LHX8: variants seen among roughly 807,000 people sequenced by gnomAD.
LHX8 encodes LIM/homeobox protein Lhx8.
Under a neutral mutation model 40.3 loss-of-function variants are expected in LHX8, and 12 were observed. The ratio of observed to expected loss-of-function variants is 0.30; its 90% CI spans 0.19 to 0.48. The LOEUF (loss-of-function observed/expected upper bound fraction) is 0.48, where lower values mean the gene tolerates loss of function less well. Ranked by LOEUF, LHX8 falls within the 20% of genes least tolerant of loss-of-function variation. The pLI is 0.99. For synonymous variants in LHX8, 179 were observed against 162.0 expected, an observed-to-expected ratio of 1.10 and a Z score of -0.80; for missense variants, 344 against 433.7, an observed-to-expected ratio of 0.79 and a Z score of 1.84.
At chr1:75,151,208 T>C (rs1648600884) in intron 7 of LHX8, among the ~76,000 whole-genome samples, 1 of 152,234 alleles carries the variant, frequency 6.6e-6, no homozygotes, top group African/African-American at 2.4e-5. Flanking sequence ...AAAGACCTGA[T>C]GATACTGCAG....
rs777629713 is a variant in LHX8, at chr1:75,143,165, C to T, written c.407C>T (p.Thr136Ile). Reference protein sequence around the residue: ...CSRCGRHIHSTDWVRRAKGNV... With the variant: ...CSRCGRHIHSIDWVRRAKGNV... ...CGATGTGGGAGACACATCCATTCTACTGACTGGGTCCGGAGAGCCAAGGGG... is the reference window on the plus strand; with the variant it reads ...CGATGTGGGAGACACATCCATTCTATTGACTGGGTCCGGAGAGCCAAGGGG... Residue 136 changes from threonine to isoleucine, a missense_variant, in exon 5 of 9, where the codon ACT (threonine) becomes ATT (isoleucine). By Grantham distance (89) the Thr-to-Ile change is moderately conservative. Transcript: ENST00000356261. 5 of 1,613,806 alleles carry T rather than the reference C, an allele frequency of 3.1e-6. No individual in the cohort carries two copies. The East Asian group carries it at 1.1e-4, about 36-fold the overall frequency.
rs147881180 is a variant in LHX8, at chr1:75,153,860, C to G, written c.781-3033C>G. ...GATAGGGTTTTATCTATTTTTTTCT[C>G]TCTTTCAAATGATAAACTATCAGTT... On this transcript the variant is annotated intron_variant, in intron 7 of 8. Coordinates refer to ENST00000356261, the MANE Select transcript of LHX8 (RefSeq NM_001256114.2). Among the ~76,000 whole-genome samples the G allele has an allele frequency of 2.0e-5, 3 of 152,112 alleles. No individual in the cohort carries two copies. The East Asian group carries it at 5.8e-4, about 29-fold the overall frequency.
intron 7 of LHX8, among the ~76,000 whole-genome samples, chr1:75,151,731 A>G (rs1557492500): frequency 6.6e-6 from 1 of 152,250 alleles, no homozygotes; most frequent in African/African-American, 2.4e-5. Flanking sequence ...CTGTATATTC[A>G]TAACAATGAT....
Position 75,157,032 on chromosome 1 carries a change from C to T in LHX8, c.920C>T (p.Pro307Leu). ...GAAATGGCTTATTCTGCCTACGTGC[C>T]CCAAGATGGAACGATGTTAACTGCG... ...LEEMAYSAYV[P>L]QDGTMLTALH... Residue 307 changes from proline to leucine, a missense_variant, in exon 8 of 9, where the codon CCC becomes CTC. Around this residue, in one of 3 missense-constraint regions of LHX8, gnomAD observed 89 missense variants for 92.8 expected, o/e 0.96. Transcript: ENST00000356261. 1 of 1,614,138 alleles carries T rather than the reference C, an allele frequency of 6.2e-7. No individual in the cohort carries two copies. The highest frequency in any genetic ancestry group is 1.7e-5 in the Admixed American group (1 of 60,012).
At chr1:75,159,214 G>C (rs1219231749) in intron 8 of LHX8, 1 of 152,130 alleles carries the variant, frequency 6.6e-6, no homozygotes, top group Non-Finnish European at 1.5e-5. Context: ...CATATGGATA[G>C]CTAATTAACC....
intron 6 of LHX8, among the ~76,000 whole-genome samples, chr1:75,148,072 CT>C (rs1252136113): frequency 9.9e-5 from 15 of 150,842 alleles, no homozygotes; most frequent in East Asian, 7.8e-4. Context: ...TTTTAGACAC[CT>C]TTTTTTTTGC....
the LHX8 span, among the ~76,000 whole-genome samples, chr1:75,186,889 A>G: frequency 6.6e-6 from 1 of 152,188 alleles, no homozygotes; most frequent in African/African-American, 2.4e-5. Flanking sequence ...CCAGTGAAAA[A>G]GTGGCTGACC....
chr1:75,197,013 AAAC>A, the LHX8 span, among the ~76,000 whole-genome samples: 1 of 152,214 alleles, frequency 6.6e-6, no homozygotes, highest in South Asian at 2.1e-4. Flanking sequence ...ACATATGAAA[AAAC>A]AACAACGCAG....
At chr1:75,183,057 A>G in the LHX8 span, 3 of 152,170 alleles carry the variant, frequency 2.0e-5, no homozygotes, top group Non-Finnish European at 2.9e-5. Context: ...GCTCACTTTA[A>G]CAGCACCTGT....
chr1:75,141,989 G>C (rs978642899), intron 4 of LHX8, among the ~76,000 whole-genome samples: 1 of 152,070 alleles, frequency 6.6e-6, no homozygotes, highest in African/African-American at 2.4e-5. Context: ...ATGAGACCCA[G>C]AGTCTTTTAT....
At position 75,137,253 on chromosome 1, in the gene LHX8, C is replaced by A; in HGVS notation, c.229C>A (p.Leu77Ile). ...CGGCCTGGAGATCGTGGACAAATACCTTCTCAAGGTAGGATAGGGCCTCGG... is the reference window on the plus strand; with the variant it reads ...CGGCCTGGAGATCGTGGACAAATACATTCTCAAGGTAGGATAGGGCCTCGG... ...SCGLEIVDKY[L>I]LKVNDLCWHV... Residue 77 changes from leucine (L) to isoleucine (I), a missense_variant, in exon 3 of 9, where the codon CTT becomes ATT. Physicochemically the swap from Leu to Ile is conservative, Grantham distance 5. Around this residue, in one of 3 missense-constraint regions of LHX8, gnomAD observed 147 missense variants for 250.8 expected, o/e 0.59. Coordinates refer to ENST00000356261, the MANE Select transcript of LHX8 (RefSeq NM_001256114.2). The A allele has an allele frequency of 6.2e-7, 1 of 1,613,578 alleles. No homozygotes were observed. The highest frequency in any genetic ancestry group is 8.5e-7 in the Non-Finnish European group (1 of 1,179,974).
intron 2 of LHX8, 45 bp from the exon 3 acceptor site, chr1:75,137,055 G>A (rs1648163926): frequency 1.9e-6 from 3 of 1,554,502 alleles, no homozygotes; most frequent in African/African-American, 2.7e-5. Context: ...GGATGCGAAG[G>A]GGAGGAGGGG....
At chr1:75,148,364 T>C (rs1648518420) in intron 6 of LHX8, among the ~76,000 whole-genome samples, 1 of 152,230 alleles carries the variant, frequency 6.6e-6, no homozygotes, top group Admixed American at 6.5e-5. Context: ...GAGAGAGTTT[T>C]ACATTGAAAT....
At chr1:75,191,853 A>G in the LHX8 span, among the ~76,000 whole-genome samples, 3 of 152,260 alleles carry the variant, frequency 2.0e-5, no homozygotes, top group African/African-American at 7.2e-5. Flanking sequence ...AGACCAAAGC[A>G]TAACCATAAA....
the LHX8 span, among the ~76,000 whole-genome samples, chr1:75,195,759 CCT>C: frequency 6.6e-6 from 1 of 151,842 alleles, no homozygotes; most frequent in Admixed American, 6.6e-5. Flanking sequence ...CCCCTCTCTC[CCT>C]CTTTCCCTCC....
intron 4 of LHX8, 122 bp downstream of exon 4, chr1:75,141,228 A>G (rs1367942343): frequency 9.6e-7 from 1 of 1,039,904 alleles, no homozygotes; most frequent in Non-Finnish European, 1.4e-6. Context: ...TATTTAAGAG[A>G]TTTCAAAATG....
At chr1:75,175,541 G>A in the LHX8 span, among the ~76,000 whole-genome samples, 5 of 152,046 alleles carry the variant, frequency 3.3e-5, no homozygotes, top group Admixed American at 2.6e-4. Context: ...AATTTGATTT[G>A]CATTTCCCTG....
chr1:75,156,092 G>A (rs946953238), intron 7 of LHX8, among the ~76,000 whole-genome samples: 5 of 151,596 alleles, frequency 3.3e-5, no homozygotes, highest in Non-Finnish European at 4.4e-5. Flanking sequence ...GATTTCTCTG[G>A]AATTCTTGAG....
chr1:75,187,551 G>A, the LHX8 span, among the ~76,000 whole-genome samples: 6 of 152,160 alleles, frequency 3.9e-5, no homozygotes, highest in African/African-American at 1.2e-4. Context: ...CTCAATTCAA[G>A]GGAAAGAGGC....
Sources: allele counts gnomAD v4.1 joint callset (sites outside exome capture counted in the v4.1 genomes callset), GRCh38; gene constraint gnomAD v4.1.1; regional missense constraint gnomAD v4.1.1; transcripts MANE v1.5; gene names NCBI Gene and HGNC (gene_info 2026-07-23, HGNC 2026-07-21).